ANKS1B: variants seen among roughly 807,000 people sequenced by gnomAD.
The protein encoded by ANKS1B is ankyrin repeat and sterile alpha motif domain-containing protein 1B.
In ANKS1B, 36 loss-of-function variants were observed where a neutral mutation model predicts 148.3. That is an observed-to-expected ratio of 0.24 (90% CI 0.19 to 0.32). The LOEUF (loss-of-function observed/expected upper bound fraction) is 0.32. ANKS1B is among the 10% of genes least tolerant of loss of function. The pLI is 1.00. For missense variants in ANKS1B, 1,157 were observed against 1,542.6 expected (o/e 0.75, Z 4.19); for synonymous variants, 542 against 560.8 (o/e 0.97, Z 0.47).
intron 15 of ANKS1B, chr12:99,097,438 A>G (rs1024790720): frequency 6.6e-6 from 1 of 152,162 alleles, no homozygotes; most frequent in South Asian, 2.1e-4. Context: ...AATATTTCCT[A>G]TCCGGCAGGA....
At chr12:99,511,560 C>A (rs1001333755) in intron 9 of ANKS1B, among the ~76,000 whole-genome samples, 1 of 151,922 alleles carries the variant, frequency 6.6e-6, no homozygotes, top group African/African-American at 2.4e-5. Flanking sequence ...TAGAAAAAAA[C>A]TAATTTAAAA....
chr12:99,182,153 G>C (rs1370028602), intron 14 of ANKS1B, among the ~76,000 whole-genome samples: 1 of 152,056 alleles, frequency 6.6e-6, no homozygotes, highest in Non-Finnish European at 1.5e-5. Context: ...CATTTTATAT[G>C]GTGGCAGGGC....
intron 1 of ANKS1B, among the ~76,000 whole-genome samples, chr12:99,831,719 T>G (rs2084028959): frequency 1.4e-5 from 2 of 140,506 alleles, no homozygotes; most frequent in East Asian, 2.0e-4. Flanking sequence ...CTGATCAGGG[T>G]TTTTTTTTTT....
In ANKS1B at chr12:99,246,317, C is replaced by T. The variant is rs1364303377; in HGVS notation, c.2304G>A (p.Gly768=). ...ESSTAEHSSK[G]NSERTPSFTS... is the part of the protein sequence containing the mutation. ...TGAAGGATGGTGTTCTTTCAGAATT[C>T]CCTTTAGAACTGTGTTCAGCAGTGG... Residue 768 remains glycine, a synonymous_variant, in exon 13 of 27, where the codon GGG becomes GGA. Transcript: ENST00000683438. 4.4e-6 allele frequency: 7 copies of T among 1,603,218 alleles called. No homozygotes were observed. The highest frequency in any genetic ancestry group is 6.0e-6 in the Non-Finnish European group (7 of 1,175,512).
At chr12:99,773,254 C>T (rs2063356449) in intron 7 of ANKS1B, among the ~76,000 whole-genome samples, 166 bp from the exon 8 acceptor site, 1 of 152,030 alleles carries the variant, frequency 6.6e-6, no homozygotes, top group South Asian at 2.1e-4. Flanking sequence ...ATTAGTACAA[C>T]AATATTAATG....
At chr12:98,754,152 C>T (rs2098171001) in intron 25 of ANKS1B, among the ~76,000 whole-genome samples, 1 of 152,250 alleles carries the variant, frequency 6.6e-6, no homozygotes, top group African/African-American at 2.4e-5. Context: ...AGACAGACAT[C>T]TGCCTGCTGG....
At chr12:98,867,650 G>A (rs2099631628) in intron 17 of ANKS1B, among the ~76,000 whole-genome samples, 1 of 152,008 alleles carries the variant, frequency 6.6e-6, no homozygotes, top group Admixed American at 6.5e-5. Context: ...CACGAGATCA[G>A]GAGATCAAGA....
At chr12:99,743,727 A>G (rs1177140481) in intron 8 of ANKS1B, among the ~76,000 whole-genome samples, 1 of 152,204 alleles carries the variant, frequency 6.6e-6, no homozygotes, top group African/African-American at 2.4e-5. Flanking sequence ...TAACACTACA[A>G]TAACTAAGCT....
At chr12:99,427,351 G>A (rs939186150) in intron 11 of ANKS1B, among the ~76,000 whole-genome samples, 1 of 152,114 alleles carries the variant, frequency 6.6e-6, no homozygotes, top group Non-Finnish European at 1.5e-5. Context: ...CATGCCTTCT[G>A]TCTGTTCCTC....
intron 17 of ANKS1B, among the ~76,000 whole-genome samples, chr12:98,937,433 GCTTCTC>G (rs2099819858): frequency 6.6e-6 from 1 of 151,982 alleles, no homozygotes; most frequent in Non-Finnish European, 1.5e-5. Flanking sequence ...CTCCCCCATT[GCTTCTC>G]CTTCTACTTA....
At chr12:98,995,837 A>G (rs1283652133) in intron 17 of ANKS1B, among the ~76,000 whole-genome samples, 2 of 152,218 alleles carry the variant, frequency 1.3e-5, no homozygotes, top group African/African-American at 4.8e-5. Flanking sequence ...GGAACACAGC[A>G]CTGAGAGTCC....
intron 11 of ANKS1B, among the ~76,000 whole-genome samples, chr12:99,437,134 C>A (rs1191717381): frequency 6.6e-6 from 1 of 151,960 alleles, no homozygotes; most frequent in African/African-American, 2.4e-5. Flanking sequence ...GATCAGGTTT[C>A]CACCTTGGTT....
At chr12:99,215,850 T>A (rs2084088167) in intron 14 of ANKS1B, among the ~76,000 whole-genome samples, 1 of 152,198 alleles carries the variant, frequency 6.6e-6, no homozygotes, top group Admixed American at 6.5e-5. Flanking sequence ...TTTGAGTTAA[T>A]GCTAAAATGA....
intron 12 of ANKS1B, among the ~76,000 whole-genome samples, chr12:99,310,558 A>G (rs1216386516): frequency 6.6e-6 from 1 of 152,130 alleles, no homozygotes; most frequent in African/African-American, 2.4e-5. Flanking sequence ...TCCTGCTTTC[A>G]GACTCAAACT....
At chr12:99,654,663 C>G (rs1481951286) in intron 9 of ANKS1B, among the ~76,000 whole-genome samples, 1 of 152,088 alleles carries the variant, frequency 6.6e-6, no homozygotes, top group Non-Finnish European at 1.5e-5. Flanking sequence ...TTCTACAATG[C>G]TCCATTGTGA....
At chr12:98,878,240 A>C (rs1224081771) in intron 17 of ANKS1B, among the ~76,000 whole-genome samples, 1 of 151,838 alleles carries the variant, frequency 6.6e-6, no homozygotes, top group African/African-American at 2.4e-5. Flanking sequence ...AAAAAAAAAA[A>C]ACACCTCACT....
At chr12:99,961,283 T>A (rs1325154466) in intron 1 of ANKS1B, among the ~76,000 whole-genome samples, 3 of 151,778 alleles carry the variant, frequency 2.0e-5, no homozygotes, top group Non-Finnish European at 4.4e-5. Context: ...ACAAATGAAG[T>A]GAGAGAATTT....
rs57470566 is a variant in ANKS1B at position 99,374,263 on chromosome 12, A to G, written c.1756+25368T>C. 6.9e-3 allele frequency among the ~76,000 whole-genome samples: 1,044 copies of G among 151,804 alleles called. 11 individuals are homozygous for G. Among genetic ancestry groups the G allele is most frequent in the African/African-American group, 0.024 (993 of 41,414 alleles). On this transcript the variant is annotated intron_variant, in intron 12 of 26. Transcript: ENST00000683438. ...TCATTTCATTATAATGTTGGTGAGG[A>G]AAAAAAAATCTATTCCCAGTTAGAG...
At chr12:99,412,890 T>A (rs1350572383) in intron 11 of ANKS1B, among the ~76,000 whole-genome samples, 2 of 152,218 alleles carry the variant, frequency 1.3e-5, no homozygotes, top group East Asian at 3.8e-4. Flanking sequence ...AAAATTATTA[T>A]ATTTTCTTGA....
Sources: gnomAD v4.1 joint callset for allele counts (sites outside exome capture counted in the v4.1 genomes callset) on GRCh38, gnomAD v4.1.1 for gene constraint, MANE v1.5 for transcripts, NCBI Gene and HGNC (gene_info 2026-07-23, HGNC 2026-07-21) for gene names.